The following CR1L variants were observed in gnomAD, a reference collection of about 807,000 sequenced individuals.
CR1L encodes the protein complement component receptor 1-like protein.
CR1L carries 59 observed loss-of-function variants against 62.3 expected under a neutral mutation model. The observed-to-expected ratio is 0.95, with a 90% confidence interval of 0.77 to 1.18. The LOEUF (loss-of-function observed/expected upper bound fraction) is 1.18. Ranked by LOEUF, CR1L falls within the 50% of genes most tolerant of loss-of-function variation. CR1L has a pLI of 0.00. For missense variants in CR1L, 700 were observed against 702.8 expected (o/e 1.00, Z 0.04); for synonymous variants, 279 against 248.7 (o/e 1.12, Z -1.15).
chr1:207,657,194 T>A, intron 1 of CR1L: 2 of 1,110,568 alleles, frequency 1.8e-6, no homozygotes, highest in African/African-American at 1.5e-5. Flanking sequence ...AGTATTTGAG[T>A]ATCTTAATGC....
At chr1:207,712,669 G>A (rs1239936404) in intron 10 of CR1L, among the ~76,000 whole-genome samples, 1 of 152,178 alleles carries the variant, frequency 6.6e-6, no homozygotes, top group East Asian at 1.9e-4. Context: ...GCATGCCCCA[G>A]GGAGACTGGA....
At position 207,688,353 on chromosome 1, in the gene CR1L, T is replaced by G. The variant is rs574051709; in HGVS notation, c.463+4396T>G. Among the ~76,000 whole-genome samples, 4 of 152,320 alleles carry G rather than the reference T, an allele frequency of 2.6e-5. No homozygotes were observed. The South Asian group carries it at 8.3e-4, about 32-fold the overall frequency. ...ATAAGTCAGGTGACCTATATGTGGA[T>G]GTCATTCCAGGGAGGTTCTGTTCCA... On this transcript the variant is annotated intron_variant, in intron 4 of 11. Coordinates refer to ENST00000508064, the MANE Select transcript of CR1L (RefSeq NM_175710.2).
intron 10 of CR1L, chr1:207,710,362 C>A: frequency 7.4e-7 from 1 of 1,357,710 alleles, no homozygotes; most frequent in South Asian, 1.2e-5. Flanking sequence ...TTTTGGTGAA[C>A]TTGCGGTCTC....
chr1:207,661,321 G>A (rs1159701069), intron 1 of CR1L, among the ~76,000 whole-genome samples: 2 of 152,032 alleles, frequency 1.3e-5, no homozygotes, highest in Non-Finnish European at 2.9e-5. Context: ...TATGAATCTG[G>A]GTGCTCCTGT....
At chr1:207,646,267 A>C (rs1663123667) in intron 1 of CR1L, among the ~76,000 whole-genome samples, 1 of 152,218 alleles carries the variant, frequency 6.6e-6, no homozygotes, top group African/African-American at 2.4e-5. Context: ...GCAACCTAAA[A>C]AACACTGGTA....
At chr1:207,714,675 C>A (rs1653947137) in intron 10 of CR1L, among the ~76,000 whole-genome samples, 1 of 152,134 alleles carries the variant, frequency 6.6e-6, no homozygotes, top group Admixed American at 6.6e-5. Context: ...ACAAAGTCCA[C>A]CACCTAATAA....
chr1:207,673,538 G>T (rs1663645783), intron 1 of CR1L, among the ~76,000 whole-genome samples: 1 of 152,164 alleles, frequency 6.6e-6, no homozygotes, highest in African/African-American at 2.4e-5. Flanking sequence ...GAATAAATCA[G>T]CTTGCTTTGA....
chr1:207,659,064 C>T (rs754213307), intron 1 of CR1L: 1 of 152,844 alleles, frequency 6.5e-6, no homozygotes, highest in Non-Finnish European at 1.5e-5. Context: ...GCCGCCGCCC[C>T]ACCTCCCAGC....
rs147912519 is a variant in CR1L, at chr1:207,702,146, T to C, written c.1328+528T>C. On this transcript the variant is annotated intron_variant, in intron 9 of 11. Coordinates refer to ENST00000508064, the MANE Select transcript of CR1L (RefSeq NM_175710.2). Reference sequence around the variant, plus strand: ...TGTGTGTTGACTTCGTGTCTCTGTGTAGCATTTTGGTTATTCTCACAATAT... The same window carrying C: ...TGTGTGTTGACTTCGTGTCTCTGTGCAGCATTTTGGTTATTCTCACAATAT... Among the ~76,000 whole-genome samples the C allele has an allele frequency of 1.8e-3, 268 of 152,332 alleles. 2 individuals carry two copies. Among genetic ancestry groups the C allele is most frequent in the African/African-American group, 6.4e-3 (264 of 41,572 alleles).
chr1:207,675,060 G>T (rs1454785285), intron 1 of CR1L, among the ~76,000 whole-genome samples: 2 of 152,036 alleles, frequency 1.3e-5, no homozygotes, highest in Non-Finnish European at 2.9e-5. Flanking sequence ...CAACAAATAT[G>T]CATTGAGTGC....
chr1:207,696,031 A>G (rs531316646), intron 5 of CR1L, among the ~76,000 whole-genome samples: 13 of 152,186 alleles, frequency 8.5e-5, no homozygotes, highest in Non-Finnish European at 1.6e-4. Flanking sequence ...AAGATGTTAG[A>G]AGGGCAGGAA....
chr1:207,673,695 G>C (rs1409756435), intron 1 of CR1L, among the ~76,000 whole-genome samples: 1 of 152,132 alleles, frequency 6.6e-6, no homozygotes, highest in Admixed American at 6.5e-5. Context: ...GGAGAAGCTG[G>C]AATTATAATA....
intron 1 of CR1L, among the ~76,000 whole-genome samples, chr1:207,673,483 G>T (rs1663644756): frequency 6.6e-6 from 1 of 152,176 alleles, no homozygotes; most frequent in Non-Finnish European, 1.5e-5. Flanking sequence ...GCTCATATTT[G>T]CGCAGACATG....
chr1:207,686,066 TC>T (rs1663897083), intron 4 of CR1L, among the ~76,000 whole-genome samples: 1 of 116,050 alleles, frequency 8.6e-6, no homozygotes, highest in Non-Finnish European at 1.8e-5. Context: ...TTTGCTTGCT[TC>T]CTTCCTTTCT....
chr1:207,686,355 G>T (rs1251757963), intron 4 of CR1L, among the ~76,000 whole-genome samples: 1 of 151,674 alleles, frequency 6.6e-6, no homozygotes, highest in Non-Finnish European at 1.5e-5. Context: ...TTTACAGTAG[G>T]CTTTTTGTAG....
At chr1:207,667,158 G>A (rs183433270) in intron 1 of CR1L, among the ~76,000 whole-genome samples, 7 of 152,198 alleles carry the variant, frequency 4.6e-5, no homozygotes, top group South Asian at 2.1e-4. Context: ...AAAAACTTTC[G>A]CTGCTTAACC....
chr1:207,702,926 T>C (rs1416857993), intron 9 of CR1L, among the ~76,000 whole-genome samples: 3 of 152,046 alleles, frequency 2.0e-5, no homozygotes, highest in Admixed American at 6.5e-5. Flanking sequence ...CTACTGAAAA[T>C]GCAAAAATTA....
chr1:207,664,618 G>A (rs944125790), intron 1 of CR1L, among the ~76,000 whole-genome samples: 1 of 152,154 alleles, frequency 6.6e-6, no homozygotes, highest in Admixed American at 6.5e-5. Context: ...TACTAAGTTT[G>A]TTGATACAGT....
intron 1 of CR1L, among the ~76,000 whole-genome samples, chr1:207,660,267 A>G (rs1446644226): frequency 6.6e-6 from 1 of 152,196 alleles, no homozygotes; most frequent in Non-Finnish European, 1.5e-5. Context: ...GACACCTCCC[A>G]ATAGGGGCTG....
Sources: allele counts gnomAD v4.1 joint callset (sites outside exome capture counted in the v4.1 genomes callset), GRCh38; gene constraint gnomAD v4.1.1; transcripts MANE v1.5; gene names NCBI Gene and HGNC (gene_info 2026-07-23, HGNC 2026-07-21).